TLE4: variants seen among roughly 807,000 people sequenced by gnomAD.
TLE4 encodes TLE family member 4, transcriptional corepressor, also known as transducin-like enhancer protein 4.
In TLE4, 8 loss-of-function variants were observed where a neutral mutation model predicts 92.8. The observed-to-expected ratio is 0.09, with a 90% CI of 0.05 to 0.16. TLE4 has a LOEUF of 0.16. Ranked by LOEUF, TLE4 falls within the 10% of genes least tolerant of loss-of-function variation. The probability of loss-of-function intolerance (pLI) is 1.00; values close to 1 mark genes in which losing one functional copy is unlikely to be tolerated. For synonymous variants in TLE4, 371 were observed against 374.1 expected, an observed-to-expected ratio of 0.99 and a Z score of 0.10; for missense variants, 675 against 997.6, an observed-to-expected ratio of 0.68 and a Z score of 4.36.
chr9:79,675,541 T>A (rs577194145), intron 8 of TLE4, among the ~76,000 whole-genome samples: 1 of 152,320 alleles, frequency 6.6e-6, no homozygotes, highest in South Asian at 2.1e-4. Context: ...AAATTAAATT[T>A]CATTTATTCT....
intron 4 of TLE4, chr9:79,601,541 T>G: frequency 4.4e-6 from 2 of 449,716 alleles, no homozygotes; most frequent in Non-Finnish European, 8.9e-6. Flanking sequence ...ACTTTCTTAT[T>G]ATTACTTTAT....
At position 79,726,457 on chromosome 9, in the gene TLE4, A is replaced by G. The variant is rs991581057; in HGVS notation, c.*1313A>G. On this transcript the variant is annotated 3_prime_UTR_variant, in exon 20 of 20. Coordinates refer to ENST00000376552, the MANE Select transcript of TLE4 (RefSeq NM_007005.6). ...TGTAGATATACTTTATTGTATAAGT[A>G]GAAAATTACTTAATTTCATACTAGA... 2 of 152,668 alleles carry G rather than the reference A, an allele frequency of 1.3e-5. No individual in the cohort carries two copies. Among genetic ancestry groups the G allele is most frequent in the Non-Finnish European group, 2.9e-5 (2 of 68,036 alleles). 9.5% of individuals were successfully genotyped at this position (152,668 alleles called of 1,614,324 possible).
intron 8 of TLE4, among the ~76,000 whole-genome samples, chr9:79,660,304 T>G (rs1453799015): frequency 1.3e-5 from 2 of 152,204 alleles, no homozygotes; most frequent in Non-Finnish European, 2.9e-5. Context: ...TGTTATTTAG[T>G]CCTGTCCTAG....
At chr9:79,575,701 T>TA (rs1319249302) in intron 3 of TLE4, 1 of 154,324 alleles carries the variant, frequency 6.5e-6, no homozygotes, top group Non-Finnish European at 1.4e-5. Context: ...AGCAGTACAC[T>TA]AACAAATCAG....
At chr9:79,586,705 T>TTG (rs1186803448) in intron 4 of TLE4, among the ~76,000 whole-genome samples, 1 of 152,220 alleles carries the variant, frequency 6.6e-6, no homozygotes, top group Non-Finnish European at 1.5e-5. Flanking sequence ...ATGTTTAATC[T>TTG]TGGCCTTTTG....
At chr9:79,640,976 C>G (rs1188226753) in intron 6 of TLE4, among the ~76,000 whole-genome samples, 2 of 151,832 alleles carry the variant, frequency 1.3e-5, no homozygotes, top group Non-Finnish European at 2.9e-5. Flanking sequence ...TCAGAATGGA[C>G]AAGCAGATCA....
intron 14 of TLE4, among the ~76,000 whole-genome samples, chr9:79,714,401 C>T (rs73652242): frequency 0.048 from 7,377 of 152,250 alleles, 430 homozygotes; most frequent in African/African-American, 0.14. Context: ...TTCCTCCATC[C>T]ACCTACTGTG....
chr9:79,689,715 GC>G (rs2066655426), intron 8 of TLE4, among the ~76,000 whole-genome samples: 1 of 152,190 alleles, frequency 6.6e-6, no homozygotes, highest in Non-Finnish European at 1.5e-5. Context: ...TTGTTGCTGA[GC>G]TAATTGTGCT....
chr9:79,591,771 G>A (rs1375551612), intron 4 of TLE4, among the ~76,000 whole-genome samples: 15 of 152,096 alleles, frequency 9.9e-5, no homozygotes, highest in Admixed American at 9.8e-4. Flanking sequence ...TGTCTGCAGA[G>A]GGACAGAGTC....
At chr9:79,605,469 A>G (rs926973887) in intron 4 of TLE4, among the ~76,000 whole-genome samples, 19 of 152,150 alleles carry the variant, frequency 1.2e-4, no homozygotes, top group African/African-American at 4.3e-4. Flanking sequence ...TTTAAACACA[A>G]TAACTAGAGC....
chr9:79,588,853 G>A (rs2041854261), intron 4 of TLE4, among the ~76,000 whole-genome samples: 1 of 152,138 alleles, frequency 6.6e-6, no homozygotes. Context: ...TACCTTTTTT[G>A]TGGGGGCAGA....
chr9:79,701,454 G>GA (rs1464712706), intron 8 of TLE4, among the ~76,000 whole-genome samples: 1 of 152,138 alleles, frequency 6.6e-6, no homozygotes, highest in Non-Finnish European at 1.5e-5. Context: ...GTATTTTTAA[G>GA]AAATTGTTTT....
chr9:79,621,296 A>G (rs2050904799), intron 5 of TLE4, among the ~76,000 whole-genome samples: 1 of 152,150 alleles, frequency 6.6e-6, no homozygotes, highest in South Asian at 2.1e-4. Context: ...CTACAAGGAG[A>G]CTAGCCAGAA....
intron 6 of TLE4, among the ~76,000 whole-genome samples, chr9:79,648,795 T>C (rs1316455083): frequency 6.6e-6 from 1 of 152,182 alleles, no homozygotes; most frequent in Non-Finnish European, 1.5e-5. Context: ...GGGTTTTGTG[T>C]CACACATTTT....
At chr9:79,713,851 TTTGTTGTTG>T (rs146268539) in intron 14 of TLE4, among the ~76,000 whole-genome samples, 4 of 150,252 alleles carry the variant, frequency 2.7e-5, no homozygotes, top group Middle Eastern at 3.2e-3. Context: ...ATTGTTGTTG[TTTGTTGTTG>T]TTGTTGTTGT....
intron 4 of TLE4, among the ~76,000 whole-genome samples, chr9:79,577,006 C>T (rs575116351): frequency 3.0e-4 from 46 of 151,506 alleles, no homozygotes; most frequent in Non-Finnish European, 6.0e-4. Flanking sequence ...TATTGTTTGG[C>T]GATAGTAATT....
chr9:79,648,861 G>A (rs1034919253), intron 6 of TLE4, among the ~76,000 whole-genome samples: 1 of 152,126 alleles, frequency 6.6e-6, no homozygotes, highest in Admixed American at 6.5e-5. Context: ...AAGTTAGAAT[G>A]GGGGTGTCAA....
intron 13 of TLE4, among the ~76,000 whole-genome samples, chr9:79,709,104 A>G (rs2072549108): frequency 6.6e-6 from 1 of 152,208 alleles, no homozygotes; most frequent in Non-Finnish European, 1.5e-5. Context: ...AATTGCTAGG[A>G]TTACAAGCAT....
In TLE4 at chr9:79,723,869, TGTTA is replaced by T. The variant is rs978231978; in HGVS notation, c.2214+836_2214+839del. 2.8e-4 allele frequency among the ~76,000 whole-genome samples: 43 copies of T among 152,330 alleles called. 1 individual carries two copies. Among genetic ancestry groups the T allele is most frequent in the Middle Eastern group, 3.4e-3 (1 of 294 alleles). ...ATTTTTCATAACATGGATTATCACTTGTTAGATAGTCCCAACTGCACTTTAAAAA... is the reference window on the plus strand; with the variant it reads ...ATTTTTCATAACATGGATTATCACTTGATAGTCCCAACTGCACTTTAAAAA... On this transcript the variant is annotated intron_variant, in intron 19 of 19. Transcript: ENST00000376552.
Sources: allele counts gnomAD v4.1 joint callset (sites outside exome capture counted in the v4.1 genomes callset), GRCh38; gene constraint gnomAD v4.1.1; transcripts MANE v1.5; gene names NCBI Gene and HGNC (gene_info 2026-07-23, HGNC 2026-07-21).